The following CACNB4 variants were observed in gnomAD, a reference collection of about 807,000 sequenced individuals.
CACNB4 encodes the protein voltage-dependent L-type calcium channel subunit beta-4.
Under a neutral mutation model 71.2 loss-of-function variants are expected in CACNB4, and 32 were observed. The observed-to-expected ratio is 0.45, with a 90% confidence interval of 0.34 to 0.60. The LOEUF (loss-of-function observed/expected upper bound fraction) is 0.60, where lower values mean the gene tolerates loss of function less well. Among genes scored for constraint, CACNB4 ranks in the 20% least tolerant of loss-of-function variants. CACNB4 has a pLI of 0.01. For synonymous variants in CACNB4, 231 were observed against 236.9 expected, an observed-to-expected ratio of 0.97 and a Z score of 0.23; for missense variants, 464 against 647.9, an observed-to-expected ratio of 0.72 and a Z score of 3.08.
chr2:151,984,178 G>A (rs1681199893), intron 2 of CACNB4, among the ~76,000 whole-genome samples: 1 of 152,076 alleles, frequency 6.6e-6, no homozygotes, highest in Non-Finnish European at 1.5e-5. Flanking sequence ...TGAACATGGA[G>A]CAATTGTTTT....
At chr2:152,046,507 T>C (rs1396229577) in intron 2 of CACNB4, among the ~76,000 whole-genome samples, 2 of 152,236 alleles carry the variant, frequency 1.3e-5, no homozygotes, top group Non-Finnish European at 2.9e-5. Context: ...TTGCCTTTTA[T>C]AAAATCTGTC....
chr2:151,993,309 C>T (rs1026586964), intron 2 of CACNB4, among the ~76,000 whole-genome samples: 10 of 152,026 alleles, frequency 6.6e-5, no homozygotes, highest in African/African-American at 2.2e-4. Flanking sequence ...CCAAGAAGCC[C>T]AGACCTACTT....
chr2:151,960,722 G>A (rs1253323588), intron 2 of CACNB4, among the ~76,000 whole-genome samples: 1 of 152,302 alleles, frequency 6.6e-6, no homozygotes, highest in Admixed American at 6.5e-5. Context: ...CATCTAGTGA[G>A]GGCATGAATC....
chr2:151,913,396 G>A (rs1014907771), intron 2 of CACNB4, among the ~76,000 whole-genome samples: 2 of 152,148 alleles, frequency 1.3e-5, no homozygotes, highest in South Asian at 2.1e-4. Context: ...GCTTGTCTGA[G>A]AAGGATTTTA....
At position 152,001,121 on chromosome 2, in the gene CACNB4, C is replaced by T. The variant is rs1682371195; in HGVS notation, c.147+97209G>A. On this transcript the variant is annotated intron_variant, in intron 2 of 13. Transcript: ENST00000539935. ...TTTTACAGATTAAGAGGCTGAGCTA[C>T]CAAAGGTCACGGTCAGTAAGTAGCA... Among the ~76,000 whole-genome samples, 6 of 152,142 alleles carry T rather than the reference C, an allele frequency of 3.9e-5. No homozygotes were observed. In the South Asian group the frequency reaches 1.2e-3, roughly 32 times the overall value.
At chr2:152,011,938 T>C (rs1683078367) in intron 2 of CACNB4, among the ~76,000 whole-genome samples, 3 of 152,210 alleles carry the variant, frequency 2.0e-5, no homozygotes, top group Admixed American at 1.3e-4. Flanking sequence ...GTGACGATGC[T>C]AGTGTAAACA....
At chr2:152,094,423 T>C (rs1279792881) in intron 2 of CACNB4, among the ~76,000 whole-genome samples, 1 of 152,208 alleles carries the variant, frequency 6.6e-6, no homozygotes, top group Non-Finnish European at 1.5e-5. Context: ...ATGACTTTGC[T>C]GGCCTCATAA....
rs1273297004 is a variant in CACNB4, at chr2:151,876,695, GTA to G, written c.391-141_391-140del. On this transcript the variant is annotated intron_variant, in intron 4 of 13. Coordinates refer to ENST00000539935, the MANE Select transcript of CACNB4 (RefSeq NM_000726.5). ...ATTTTATATAAACTATATTTTATAT[GTA>G]TATGTGTGTATACTATATTTTATAT... is the stretch of plus-strand genomic sequence containing the variant. 13 of 386,414 alleles carry G rather than the reference GTA, an allele frequency of 3.4e-5. No individual in the cohort carries two copies. In the East Asian group the frequency reaches 6.0e-4, roughly 18 times the overall value. The allele number at this position is 386,414 out of a possible 1,614,324, so 23.9% of individuals were successfully genotyped here. A position where few individuals can be genotyped will look rare whatever the true frequency, so the allele number is the denominator to read the frequency against.
In CACNB4 at chr2:151,935,312, T is replaced by A. The variant is rs1016691463; in HGVS notation, c.148-51942A>T. Among the ~76,000 whole-genome samples the A allele has an allele frequency of 8.5e-5, 13 of 152,358 alleles. No individual in the cohort carries two copies. The East Asian group carries it at 2.1e-3, about 25-fold the overall frequency. ...ACTTTGCCTTTGGATATCTGACTAA[T>A]TTTCTAAGCCTCAGTTTCTTCATTC... On this transcript the variant is annotated intron_variant, in intron 2 of 13. Transcript: ENST00000539935.
intron 2 of CACNB4, among the ~76,000 whole-genome samples, chr2:152,001,718 G>GA (rs70974817): frequency 0.068 from 8,667 of 127,792 alleles, 870 homozygotes; most frequent in East Asian, 0.47. Flanking sequence ...TGTCTCGAAA[G>GA]AAAAAAAAAA....
rs531974291 is a variant in CACNB4 at position 152,015,811 on chromosome 2, T to A, written c.147+82519A>T. On this transcript the variant is annotated intron_variant, in intron 2 of 13. Coordinates refer to ENST00000539935, the MANE Select transcript of CACNB4 (RefSeq NM_000726.5). ...TCTGGTTGTCATAAGCCACTGAGAC[T>A]TTCCACTGTGTTTGTTACCACAGCC... 2.0e-4 allele frequency among the ~76,000 whole-genome samples: 31 copies of A among 152,368 alleles called. No homozygotes were observed. In the South Asian group the frequency reaches 6.4e-3, roughly 32 times the overall value.
At chr2:151,917,302 G>A (rs1200487131) in intron 2 of CACNB4, among the ~76,000 whole-genome samples, 8 of 152,086 alleles carry the variant, frequency 5.3e-5, no homozygotes, top group Admixed American at 5.2e-4. Flanking sequence ...AACCTGTTTG[G>A]CTCTTAGTAT....
At chr2:151,921,502 T>C (rs1472830035) in intron 2 of CACNB4, among the ~76,000 whole-genome samples, 1 of 152,168 alleles carries the variant, frequency 6.6e-6, no homozygotes, top group African/African-American at 2.4e-5. Context: ...ATGTCAGAAG[T>C]CCAAAATGTA....
intron 2 of CACNB4, among the ~76,000 whole-genome samples, chr2:152,065,786 T>A (rs1686284531): frequency 6.6e-6 from 1 of 152,180 alleles, no homozygotes; most frequent in Non-Finnish European, 1.5e-5. Flanking sequence ...TGTCACTCTG[T>A]TGCTCAGGCT....
chr2:152,075,766 G>T (rs1686974384), intron 2 of CACNB4, among the ~76,000 whole-genome samples: 1 of 152,160 alleles, frequency 6.6e-6, no homozygotes, highest in Non-Finnish European at 1.5e-5. Context: ...GGGACTAAAA[G>T]ATCTCAACTA....
intron 2 of CACNB4, among the ~76,000 whole-genome samples, chr2:152,015,851 T>C (rs990883409): frequency 6.6e-6 from 1 of 152,246 alleles, no homozygotes. Context: ...ATAGCCTTTA[T>C]ACTTGGAACT....
intron 2 of CACNB4, among the ~76,000 whole-genome samples, chr2:152,068,897 A>G (rs1686499431): frequency 6.6e-6 from 1 of 152,118 alleles, no homozygotes; most frequent in African/African-American, 2.4e-5. Context: ...GAACCATGTC[A>G]TGTCCTCTAG....
chr2:151,966,092 A>C (rs1435859314), intron 2 of CACNB4, among the ~76,000 whole-genome samples: 1 of 152,234 alleles, frequency 6.6e-6, no homozygotes, highest in Non-Finnish European at 1.5e-5. Flanking sequence ...GCTTATCAGC[A>C]AAAAGTACAA....
intron 2 of CACNB4, among the ~76,000 whole-genome samples, chr2:152,004,534 C>CAT (rs760407129): frequency 0.23 from 210 of 914 alleles, 1 homozygote; most frequent in South Asian, 0.33. Context: ...TACATACATA[C>CAT]ACACACACAC....
Sources: gnomAD v4.1 joint callset for allele counts (sites outside exome capture counted in the v4.1 genomes callset) on GRCh38, gnomAD v4.1.1 for gene constraint, MANE v1.5 for transcripts, NCBI Gene and HGNC (gene_info 2026-07-23, HGNC 2026-07-21) for gene names.